P3H2: variants seen among roughly 807,000 people sequenced by gnomAD.
P3H2 encodes the protein leprecan-like 1.
A neutral mutation model predicts 87.0 loss-of-function variants in P3H2; 80 were observed. The ratio of observed to expected loss-of-function variants is 0.92; its 90% CI spans 0.77 to 1.11. The LOEUF (loss-of-function observed/expected upper bound fraction) is 1.11. Among genes scored for constraint, P3H2 ranks in the 50% least tolerant of loss-of-function variants. P3H2 has a pLI of 0.00. For missense variants in P3H2, 1,001 were observed against 923.9 expected (o/e 1.08, Z -1.08); for synonymous variants, 367 against 359.3 (o/e 1.02, Z -0.24).
chr3:190,056,051 C>T (rs1726143182), intron 1 of P3H2, among the ~76,000 whole-genome samples: 1 of 152,092 alleles, frequency 6.6e-6, no homozygotes. Flanking sequence ...GGGGCTATGA[C>T]ATGATAAGAT....
Position 189,994,210 on chromosome 3 carries a change from G to C in P3H2, c.707C>G (p.Ala236Gly). ...ATCTTCAACGAAATATTCTCTTAAG[G>C]CTTGTTCGAAGTGCCTGATAGCCAT... is the stretch of plus-strand genomic sequence containing the variant. ...FEMAIRHFEQ[A>G]LREYFVEDTE... Residue 236 changes from alanine (A) to glycine (G), a missense_variant, in exon 3 of 15, where the codon GCC (alanine) becomes GGC (glycine). Physicochemically the swap from Ala to Gly is moderately conservative, Grantham distance 60. Coordinates refer to ENST00000319332, the MANE Select transcript of P3H2 (RefSeq NM_018192.4). 1 of 1,613,644 alleles carries C rather than the reference G, an allele frequency of 6.2e-7. No homozygotes were observed.
intron 8 of P3H2, among the ~76,000 whole-genome samples, chr3:189,978,240 A>T (rs920077959): frequency 2.0e-5 from 3 of 152,204 alleles, no homozygotes; most frequent in Non-Finnish European, 4.4e-5. Flanking sequence ...TTGAAGATGT[A>T]TTATTTTAAA....
At chr3:190,096,133 C>T (rs1172606273) in intron 1 of P3H2, among the ~76,000 whole-genome samples, 1 of 152,200 alleles carries the variant, frequency 6.6e-6, no homozygotes, top group Non-Finnish European at 1.5e-5. Flanking sequence ...ACAATACAAA[C>T]AAACGCCAAG....
At chr3:190,077,680 G>T (rs1254186417) in intron 1 of P3H2, among the ~76,000 whole-genome samples, 1 of 152,158 alleles carries the variant, frequency 6.6e-6, no homozygotes, top group Non-Finnish European at 1.5e-5. Context: ...ATACAATGAA[G>T]GATGAAAGGT....
At chr3:190,060,612 C>T (rs1232195824) in intron 1 of P3H2, among the ~76,000 whole-genome samples, 4 of 152,154 alleles carry the variant, frequency 2.6e-5, no homozygotes, top group Admixed American at 6.5e-5. Context: ...TGCACTGTAT[C>T]TTAGTCACAA....
At chr3:189,989,151 AATT>A (rs1249113291) in intron 3 of P3H2, 113 bp from the exon 4 acceptor site, 1 of 1,259,480 alleles carries the variant, frequency 7.9e-7, no homozygotes, top group African/African-American at 1.5e-5. Flanking sequence ...TGGAAGACCA[AATT>A]ATTATAATCC....
intron 1 of P3H2, among the ~76,000 whole-genome samples, chr3:189,996,975 G>A (rs1174170139): frequency 6.6e-6 from 1 of 152,152 alleles, no homozygotes; most frequent in African/African-American, 2.4e-5. Context: ...CATGTAACAA[G>A]CAATGATATA....
At position 190,049,009 on chromosome 3, in the gene P3H2, C is replaced by A. The variant is rs114246203; in HGVS notation, c.481-53567G>T. On this transcript the variant is annotated intron_variant, in intron 1 of 14. Coordinates refer to ENST00000319332, the MANE Select transcript of P3H2 (RefSeq NM_018192.4). ...GCTGTGTTGGAATTTGCTTCAGATTCTGCCTTCAAATCACAGAAGACGTGA... is the reference window on the plus strand; with the variant it reads ...GCTGTGTTGGAATTTGCTTCAGATTATGCCTTCAAATCACAGAAGACGTGA... 8.0e-3 allele frequency among the ~76,000 whole-genome samples: 1,225 copies of A among 152,284 alleles called. 8 individuals are homozygous for A. The highest frequency in any genetic ancestry group is 0.027 in the Middle Eastern group (8 of 294).
chr3:189,995,554 T>TA, intron 1 of P3H2, 112 bp from the exon 2 acceptor site: 1 of 899,074 alleles, frequency 1.1e-6, no homozygotes, highest in African/African-American at 2.7e-5. Flanking sequence ...CTAGGAGCCT[T>TA]GGTTTTTTTT....
chr3:190,080,495 G>A (rs781311452), intron 1 of P3H2, among the ~76,000 whole-genome samples: 8 of 152,074 alleles, frequency 5.3e-5, no homozygotes, highest in Non-Finnish European at 8.8e-5. Flanking sequence ...CTGCCTCCCA[G>A]GTGCAAGTGA....
intron 14 of P3H2, among the ~76,000 whole-genome samples, chr3:189,958,685 C>A (rs1577238430): frequency 6.7e-6 from 1 of 148,508 alleles, no homozygotes; most frequent in East Asian, 2.0e-4. Context: ...CACTAGAGGG[C>A]AACATTGCTC....
intron 1 of P3H2, among the ~76,000 whole-genome samples, chr3:190,007,667 T>C (rs975831098): frequency 5.9e-5 from 9 of 152,022 alleles, no homozygotes; most frequent in Admixed American, 2.0e-4. Context: ...ATGTTTATTT[T>C]GATGTTTGTC....
At chr3:189,990,242 C>T (rs1258252608) in intron 3 of P3H2, among the ~76,000 whole-genome samples, 1 of 151,986 alleles carries the variant, frequency 6.6e-6, no homozygotes, top group African/African-American at 2.4e-5. Flanking sequence ...ATCCCTAAAG[C>T]CCATTGGTTA....
At chr3:190,043,633 T>C (rs896608876) in intron 1 of P3H2, among the ~76,000 whole-genome samples, 8 of 152,194 alleles carry the variant, frequency 5.3e-5, no homozygotes, top group African/African-American at 1.9e-4. Flanking sequence ...GAAATATACA[T>C]ATAATAAAAT....
At position 190,120,500 on chromosome 3, in the gene P3H2, G is replaced by T; in HGVS notation, c.232C>A (p.Arg78=). 6.8e-7 allele frequency: 1 copy of T among 1,463,142 alleles called. No homozygotes were observed. Among genetic ancestry groups the T allele is most frequent in the South Asian group, 1.3e-5 (1 of 74,820 alleles). 90.6% of individuals were successfully genotyped at this position (1,463,142 alleles called of 1,614,324 possible). Reference sequence around the variant, plus strand: ...CGGGCACAGCGCGTGCGGATTTCCCGCAGGCGCCGGTGGCTGCGCAGCGCC... The same window carrying T: ...CGGGCACAGCGCGTGCGGATTTCCCTCAGGCGCCGGTGGCTGCGCAGCGCC... ...EAALRSHRRL[R]EIRTRCARHC... Residue 78 remains arginine (R), a synonymous_variant, in exon 1 of 15, where the codon CGG becomes AGG. Coordinates refer to ENST00000319332, the MANE Select transcript of P3H2 (RefSeq NM_018192.4).
chr3:190,015,700 G>A (rs891374350), intron 1 of P3H2, among the ~76,000 whole-genome samples: 8 of 152,150 alleles, frequency 5.3e-5, no homozygotes, highest in African/African-American at 1.9e-4. Flanking sequence ...ATTGCACTCA[G>A]CCTGGAACTG....
intron 1 of P3H2, among the ~76,000 whole-genome samples, chr3:190,039,554 T>G (rs1367294841): frequency 1.2e-4 from 19 of 152,208 alleles, no homozygotes; most frequent in African/African-American, 4.3e-4. Flanking sequence ...TAAAAACATG[T>G]GTTAAGCCCA....
intron 1 of P3H2, among the ~76,000 whole-genome samples, chr3:190,095,992 T>G (rs895470500): frequency 6.6e-6 from 1 of 152,158 alleles, no homozygotes; most frequent in Admixed American, 6.5e-5. Context: ...AAAACCCATG[T>G]GTAATGTAAA....
Position 189,957,982 on chromosome 3 carries a change from A to G in P3H2, c.2057T>C (p.Val686Ala). The G allele has an allele frequency of 1.9e-6, 3 of 1,613,632 alleles. No individual in the cohort carries two copies. The highest frequency in any genetic ancestry group is 2.5e-6 in the Non-Finnish European group (3 of 1,179,552). The change falls in exon 15 of 15, where the codon GTG (valine) becomes GCG (alanine). Residue 686 changes from valine to alanine, a missense_variant. Coordinates refer to ENST00000319332, the MANE Select transcript of P3H2 (RefSeq NM_018192.4). ...RELERIQADE[V>A]IAILDQEQQG... ...CTGTTCTTGATCCAGAATTGCAATC[A>G]CTTCATCAGCCTGTATTCGCTCCTG...
Sources: gnomAD v4.1 joint callset for allele counts (sites outside exome capture counted in the v4.1 genomes callset) on GRCh38, gnomAD v4.1.1 for gene constraint, MANE v1.5 for transcripts, NCBI Gene and HGNC (gene_info 2026-07-23, HGNC 2026-07-21) for gene names.